The following WWOX variants were observed in gnomAD, a reference collection of about 807,000 sequenced individuals.
WWOX encodes the protein WW domain containing oxidoreductase, also known as WW domain-containing oxidoreductase.
A neutral mutation model predicts 46.2 loss-of-function variants in WWOX; 69 were observed. The ratio of observed to expected loss-of-function variants is 1.49; its 90% CI spans 1.23 to 1.82. The LOEUF is 1.82. WWOX is among the 40% of genes most tolerant of loss of function. The pLI is 0.00. For synonymous variants in WWOX, 359 were observed against 202.6 expected (o/e 1.77, Z -6.56); for missense variants, 919 against 542.6 (o/e 1.69, Z -6.89).
At position 78,454,665 on chromosome 16, in the gene WWOX, C is replaced by G. The variant is rs185510947; in HGVS notation, c.1056+21913C>G. On this transcript the variant is annotated intron_variant, in intron 8 of 8. Coordinates refer to ENST00000566780, the MANE Select transcript of WWOX (RefSeq NM_016373.4). ...GGATTACAGGCATGCGCCACCATAC[C>G]TGGGGAATTTTTTTTTGTATTTTTA... Among the ~76,000 whole-genome samples the G allele has an allele frequency of 5.5e-4, 79 of 143,946 alleles. 2 individuals carry two copies. Among genetic ancestry groups the G allele is most frequent in the Admixed American group, 4.2e-3 (63 of 14,914 alleles). 94.4% of individuals were successfully genotyped at this position (143,946 alleles called of 152,430 possible).
intron 8 of WWOX, among the ~76,000 whole-genome samples, chr16:79,145,171 T>C (rs796227885): frequency 1.6e-4 from 25 of 152,362 alleles, no homozygotes; most frequent in African/African-American, 5.8e-4. Context: ...TCTTTACTTA[T>C]TGTTTTTATT....
At chr16:78,919,461 C>G (rs985309169) in intron 8 of WWOX, among the ~76,000 whole-genome samples, 4 of 151,624 alleles carry the variant, frequency 2.6e-5, no homozygotes, top group African/African-American at 9.7e-5. Context: ...TCACTACCTT[C>G]TAACAGCAAT....
intron 8 of WWOX, chr16:78,897,592 G>T (rs545364082): frequency 2.0e-5 from 3 of 152,232 alleles, no homozygotes; most frequent in Non-Finnish European, 4.4e-5. Context: ...GCATTGGGTT[G>T]TTTATATTTG....
intron 8 of WWOX, among the ~76,000 whole-genome samples, chr16:78,621,266 G>A (rs1043285303): frequency 2.6e-5 from 4 of 152,050 alleles, no homozygotes; most frequent in African/African-American, 9.7e-5. Context: ...ATATCATTCT[G>A]GTTAACTGAA....
intron 5 of WWOX, among the ~76,000 whole-genome samples, chr16:78,187,054 G>C (rs1207632459): frequency 2.0e-5 from 3 of 152,108 alleles, no homozygotes; most frequent in African/African-American, 7.2e-5. Context: ...TATACATTTG[G>C]TTTACCAACA....
chr16:78,740,994 G>T (rs1319984106), intron 8 of WWOX, among the ~76,000 whole-genome samples: 1 of 152,110 alleles, frequency 6.6e-6, no homozygotes, highest in Non-Finnish European at 1.5e-5. Context: ...CAGGCCATGG[G>T]TCTCCTAAGT....
intron 8 of WWOX, among the ~76,000 whole-genome samples, chr16:78,903,666 A>G (rs182270507): frequency 3.0e-4 from 45 of 152,256 alleles, no homozygotes; most frequent in East Asian, 5.8e-4. Context: ...TGCAGATTCT[A>G]TTCCCCAGCC....
At chr16:78,713,720 C>T (rs575940407) in intron 8 of WWOX, among the ~76,000 whole-genome samples, 1 of 152,192 alleles carries the variant, frequency 6.6e-6, no homozygotes, top group Non-Finnish European at 1.5e-5. Context: ...AACCTGCTGA[C>T]ACCTTGACCT....
intron 5 of WWOX, among the ~76,000 whole-genome samples, chr16:78,235,375 C>T (rs564422639): frequency 6.6e-6 from 1 of 152,160 alleles, no homozygotes; most frequent in South Asian, 2.1e-4. Flanking sequence ...CAGGCCGGCT[C>T]ATCTGACCCC....
chr16:78,214,754 G>A (rs745495685), intron 5 of WWOX, among the ~76,000 whole-genome samples: 5 of 150,998 alleles, frequency 3.3e-5, no homozygotes, highest in Non-Finnish European at 7.4e-5. Context: ...TTGATTTTAT[G>A]TCTTTATTTG....
At position 78,318,916 on chromosome 16, in the gene WWOX, T is replaced by A. The variant is rs952142760; in HGVS notation, c.517-67944T>A. The stretch of plus-strand genomic sequence containing the variant: ...CAGGTAGGTAAAATAATGGCCCTTA[T>A]TAGGATGTCTGCGTCCTAATCCGCG... On this transcript the variant is annotated intron_variant, in intron 5 of 8. Transcript: ENST00000566780. Among the ~76,000 whole-genome samples, 7 of 152,250 alleles carry A rather than the reference T, an allele frequency of 4.6e-5. 1 individual carries two copies. Among genetic ancestry groups the A allele is most frequent in the East Asian group, 1.9e-4 (1 of 5,172 alleles).
chr16:78,216,308 A>G (rs547906137), intron 5 of WWOX, among the ~76,000 whole-genome samples: 5 of 152,344 alleles, frequency 3.3e-5, no homozygotes, highest in Non-Finnish European at 4.4e-5. Context: ...GAACACTTGC[A>G]GGTTAGAAAA....
intron 5 of WWOX, among the ~76,000 whole-genome samples, chr16:78,321,823 C>A (rs370224553): frequency 1.3e-5 from 2 of 152,058 alleles, no homozygotes; most frequent in East Asian, 1.9e-4. Context: ...CTCTAAAGAG[C>A]GACGCTTGGA....
chr16:78,850,980 T>G (rs1035219195), intron 8 of WWOX, among the ~76,000 whole-genome samples: 2 of 152,218 alleles, frequency 1.3e-5, no homozygotes, highest in African/African-American at 4.8e-5. Context: ...TCTGGGTCTC[T>G]CTGCATGTAG....
At position 79,212,122 on chromosome 16, in the gene WWOX, T is replaced by C. The variant is rs1156409081; in HGVS notation, c.*326T>C. The C allele has an allele frequency of 6.5e-6, 10 of 1,532,882 alleles. No individual in the cohort carries two copies. Among genetic ancestry groups the C allele is most frequent in the Admixed American group, 4.0e-5 (2 of 50,508 alleles). 95.0% of individuals were successfully genotyped at this position (1,532,882 alleles called of 1,614,324 possible). ...AGCAATTCTCTTTCTTTTACTGTTA[T>C]AGAATAGCCTGAGGTCCCCTCGTCC... On this transcript the variant is annotated 3_prime_UTR_variant, in exon 9 of 9. Transcript: ENST00000566780.
intron 8 of WWOX, among the ~76,000 whole-genome samples, chr16:78,472,375 T>G (rs1286118487): frequency 6.6e-6 from 1 of 152,190 alleles, no homozygotes; most frequent in Non-Finnish European, 1.5e-5. Context: ...TGAAAAACTT[T>G]GGGGCCTTGT....
intron 5 of WWOX, among the ~76,000 whole-genome samples, chr16:78,371,424 G>C (rs1245046048): frequency 1.3e-5 from 2 of 152,196 alleles, no homozygotes; most frequent in Non-Finnish European, 2.9e-5. Context: ...AATAACGTAT[G>C]AAAAGAATCC....
intron 4 of WWOX, 112 bp from the exon 5 acceptor site, chr16:78,164,071 C>G: frequency 1.0e-6 from 1 of 992,764 alleles, no homozygotes; most frequent in South Asian, 1.4e-5. Flanking sequence ...ATCAAAATCA[C>G]CCCTGGTTGA....
At chr16:79,034,122 T>C (rs2047820163) in intron 8 of WWOX, among the ~76,000 whole-genome samples, 1 of 152,238 alleles carries the variant, frequency 6.6e-6, no homozygotes, top group Non-Finnish European at 1.5e-5. Context: ...CCTTTTATTA[T>C]GCACTCTTGA....
Sources: gnomAD v4.1 joint callset for allele counts (sites outside exome capture counted in the v4.1 genomes callset) on GRCh38, gnomAD v4.1.1 for gene constraint, MANE v1.5 for transcripts, NCBI Gene and HGNC (gene_info 2026-07-23, HGNC 2026-07-21) for gene names.